The following ALDH1L2 variants were observed in gnomAD, a reference collection of about 807,000 sequenced individuals.
ALDH1L2 encodes the protein aldehyde dehydrogenase 1 family member L2.
A neutral mutation model predicts 111.0 loss-of-function variants in ALDH1L2; 91 were observed. The observed-to-expected ratio is 0.82, with a 90% confidence interval of 0.69 to 0.98. ALDH1L2 has a LOEUF of 0.98. Ranked by LOEUF, ALDH1L2 falls within the 50% of genes least tolerant of loss-of-function variation. The pLI is 0.00. For synonymous variants in ALDH1L2, 374 were observed against 392.6 expected (o/e 0.95, Z 0.56); for missense variants, 995 against 1,126.8 (o/e 0.88, Z 1.67).
intron 1 of ALDH1L2, among the ~76,000 whole-genome samples, chr12:105,076,568 T>A (rs564917438): frequency 6.6e-6 from 1 of 152,326 alleles, no homozygotes; most frequent in East Asian, 1.9e-4. Flanking sequence ...ATACACCAGC[T>A]GTGCAGTCTT....
intron 21 of ALDH1L2, among the ~76,000 whole-genome samples, chr12:105,027,721 A>G (rs1874485494): frequency 6.6e-6 from 1 of 152,192 alleles, no homozygotes; most frequent in South Asian, 2.1e-4. Flanking sequence ...TCCAAACTTA[A>G]TATTTTGGTA....
intron 11 of ALDH1L2, among the ~76,000 whole-genome samples, chr12:105,052,442 C>T (rs545776847): frequency 1.3e-5 from 2 of 152,230 alleles, no homozygotes; most frequent in Admixed American, 1.3e-4. Flanking sequence ...TATGGAAGAA[C>T]ACATTTAGGA....
In ALDH1L2 at chr12:105,024,191, G is replaced by A. The variant is rs186380177; in HGVS notation, c.*233C>T. On this transcript the variant is annotated 3_prime_UTR_variant, in exon 23 of 23. Coordinates refer to ENST00000258494, the MANE Select transcript of ALDH1L2 (RefSeq NM_001034173.4). ...AAACAGCTTGGTATTTTAGAAATAC[G>A]TATGATATACAACATAGTCAAAATG... is the stretch of plus-strand genomic sequence containing the variant. 5.8e-5 allele frequency: 33 copies of A among 572,838 alleles called. No individual in the cohort carries two copies. Among genetic ancestry groups the A allele is most frequent in the African/African-American group, 5.4e-4 (29 of 53,248 alleles). 35.5% of individuals were successfully genotyped at this position (572,838 alleles called of 1,614,324 possible).
intron 15 of ALDH1L2, among the ~76,000 whole-genome samples, chr12:105,046,473 G>T (rs1194782234): frequency 6.6e-6 from 1 of 151,524 alleles, no homozygotes; most frequent in Admixed American, 6.6e-5. Context: ...GGACTTCACT[G>T]ATGTGCACCA....
At chr12:105,075,766 T>C (rs1029336021) in intron 1 of ALDH1L2, among the ~76,000 whole-genome samples, 3 of 152,098 alleles carry the variant, frequency 2.0e-5, no homozygotes, top group Non-Finnish European at 2.9e-5. Context: ...TTCCAGAAAA[T>C]TGGACTGATA....
At chr12:105,054,289 C>G (rs1592787563) in intron 10 of ALDH1L2, among the ~76,000 whole-genome samples, 1 of 152,256 alleles carries the variant, frequency 6.6e-6, no homozygotes, top group African/African-American at 2.4e-5. Context: ...GTGAGAAGTA[C>G]TTCTGGGACA....
Position 105,024,260 on chromosome 12 carries a change from G to A in ALDH1L2, c.*164C>T, listed in dbSNP as rs1565946476. On this transcript the variant is annotated 3_prime_UTR_variant, in exon 23 of 23. Transcript: ENST00000258494. Reference sequence around the variant, plus strand: ...GGAAGGTGTATTAGAAAATACTCAGGCACATGTGTAAATGCTTTAACATGG... The same window carrying A: ...GGAAGGTGTATTAGAAAATACTCAGACACATGTGTAAATGCTTTAACATGG... The A allele has an allele frequency of 1.5e-6, 1 of 677,718 alleles. No individual in the cohort carries two copies. The highest frequency in any genetic ancestry group is 2.6e-6 in the Non-Finnish European group (1 of 389,226). 42.0% of individuals were successfully genotyped at this position (677,718 alleles called of 1,614,324 possible). A position where few individuals can be genotyped will look rare whatever the true frequency, so the allele number is the denominator to read the frequency against.
chr12:105,042,491 C>T (rs1004930415), intron 15 of ALDH1L2, among the ~76,000 whole-genome samples: 1 of 152,160 alleles, frequency 6.6e-6, no homozygotes, highest in Non-Finnish European at 1.5e-5. Flanking sequence ...CATGCTTCCT[C>T]ATTCTCTTCA....
At chr12:105,050,270 G>T (rs1488778392) in intron 12 of ALDH1L2, 3 of 388,122 alleles carry the variant, frequency 7.7e-6, no homozygotes, top group Admixed American at 9.1e-5. Context: ...AGAAGCAGAG[G>T]GTATTGGAAG....
chr12:105,066,875 C>A (rs1877389194), intron 4 of ALDH1L2, among the ~76,000 whole-genome samples: 1 of 152,172 alleles, frequency 6.6e-6, no homozygotes, highest in Non-Finnish European at 1.5e-5. Context: ...AAACATAACA[C>A]AAATCCTGCA....
intron 9 of ALDH1L2, among the ~76,000 whole-genome samples, chr12:105,059,160 G>A (rs967492310): frequency 4.6e-5 from 7 of 151,996 alleles, no homozygotes; most frequent in African/African-American, 1.7e-4. Flanking sequence ...CCAGCTACTT[G>A]GGAAGCTGAG....
At chr12:105,028,064 C>T (rs536463675) in intron 21 of ALDH1L2, among the ~76,000 whole-genome samples, 80 of 152,252 alleles carry the variant, frequency 5.3e-4, no homozygotes, top group South Asian at 1.2e-3. Flanking sequence ...TGCTTAAAAA[C>T]GCACACATTT....
chr12:105,038,254 T>TCA (rs778680453), intron 17 of ALDH1L2, 52 bp from the exon 18 acceptor site: 1 of 779,560 alleles, frequency 1.3e-6, no homozygotes, highest in African/African-American at 2.1e-5. Flanking sequence ...TCTCTCTCTC[T>TCA]CTCTCTCACA....
chr12:105,037,853 C>T (rs1565952840), intron 18 of ALDH1L2, among the ~76,000 whole-genome samples: 1 of 151,990 alleles, frequency 6.6e-6, no homozygotes, highest in Non-Finnish European at 1.5e-5. Flanking sequence ...CAACCTCCGC[C>T]TCCTGGGTTC....
intron 1 of ALDH1L2, among the ~76,000 whole-genome samples, chr12:105,080,291 C>T (rs1878276727): frequency 6.6e-6 from 1 of 152,064 alleles, no homozygotes; most frequent in South Asian, 2.1e-4. Flanking sequence ...TTTTTGCCAC[C>T]CTGATGAGTG....
intron 12 of ALDH1L2, 152 bp from the exon 13 acceptor site, chr12:105,050,210 G>A: frequency 1.7e-6 from 1 of 605,500 alleles, no homozygotes; most frequent in Non-Finnish European, 2.5e-6. Flanking sequence ...AGGCAAGAAA[G>A]ACATTAAACA....
At chr12:105,038,231 T>C in intron 17 of ALDH1L2, 29 bp from the exon 18 acceptor site, 1 of 1,496,762 alleles carries the variant, frequency 6.7e-7, no homozygotes, top group Non-Finnish European at 9.3e-7. Flanking sequence ...GAAATGAGCA[T>C]TTAGTTAACA....
chr12:105,084,044 G>T (rs1878462568), intron 1 of ALDH1L2, among the ~76,000 whole-genome samples: 1 of 152,102 alleles, frequency 6.6e-6, no homozygotes, highest in African/African-American at 2.4e-5. Context: ...TCTCATGATT[G>T]AAGTGAAAAA....
chr12:105,066,524 G>T, intron 5 of ALDH1L2, 44 bp downstream of exon 5: 1 of 1,549,482 alleles, frequency 6.5e-7, no homozygotes, highest in Non-Finnish European at 8.9e-7. Flanking sequence ...AAGGGTAGAG[G>T]GCCATGAACT....
Sources: gnomAD v4.1 joint callset for allele counts (sites outside exome capture counted in the v4.1 genomes callset) on GRCh38, gnomAD v4.1.1 for gene constraint, MANE v1.5 for transcripts, NCBI Gene and HGNC (gene_info 2026-07-23, HGNC 2026-07-21) for gene names.